Variants in KLRD1 observed in about 807,000 individuals in gnomAD.
KLRD1 encodes the protein killer cell lectin like receptor D1.
A neutral mutation model predicts 22.6 loss-of-function variants in KLRD1; 21 were observed. The observed-to-expected ratio is 0.93, with a 90% CI of 0.66 to 1.34. The LOEUF is 1.34. KLRD1 is among the 40% of genes most tolerant of loss of function. The pLI is 0.00. For missense variants in KLRD1, 183 were observed against 208.6 expected (o/e 0.88, Z 0.76); for synonymous variants, 59 against 71.1 (o/e 0.83, Z 0.85).
rs1018329773 is a variant in KLRD1 at position 10,297,536 on chromosome 12, A to T, written c.-100-10442A>T. 1.5e-4 allele frequency among the ~76,000 whole-genome samples: 23 copies of T among 152,274 alleles called. No individual in the cohort carries two copies. The East Asian group carries it at 4.4e-3, about 29-fold the overall frequency. ...ATAATTTTATATGCTTTCTTATTTTAATATATTTTATAAACTAAGTATTGC... is the reference window on the plus strand; with the variant it reads ...ATAATTTTATATGCTTTCTTATTTTTATATATTTTATAAACTAAGTATTGC... On this transcript the variant is annotated intron_variant, in intron 1 of 5. Coordinates refer to the KLRD1 transcript ENST00000544747.
chr12:10,260,785 C>G (rs1392597733), intron 1 of KLRD1, among the ~76,000 whole-genome samples: 2 of 152,010 alleles, frequency 1.3e-5, no homozygotes, highest in East Asian at 3.9e-4. Context: ...CTAAAAAATA[C>G]AAAAAAATTA....
intron 1 of KLRD1, among the ~76,000 whole-genome samples, chr12:10,258,245 G>C (rs1366942803): frequency 1.1e-4 from 6 of 55,584 alleles, no homozygotes; most frequent in African/African-American, 1.7e-4. Context: ...GTTGTGCTTA[G>C]CTCAAGCTCT....
chr12:10,316,372 T>G lies in KLRD1; in HGVS notation c.*1579T>G, dbSNP rs1262545220. ...AAAATATGTTACAACTGCTACTTCATAGTTTATGCCACTTATTTTATTTTT... is the reference window on the plus strand; with the variant it reads ...AAAATATGTTACAACTGCTACTTCAGAGTTTATGCCACTTATTTTATTTTT... On this transcript the variant is annotated 3_prime_UTR_variant, in exon 6 of 6. Transcript: ENST00000336164. The G allele has an allele frequency of 2.0e-5, 3 of 152,114 alleles. No homozygotes were observed. In the East Asian group the frequency reaches 5.8e-4, roughly 29 times the overall value. 9.4% of individuals were successfully genotyped at this position (152,114 alleles called of 1,614,324 possible). A position where few individuals can be genotyped will look rare whatever the true frequency, so the allele number is the denominator to read the frequency against.
intron 1 of KLRD1, among the ~76,000 whole-genome samples, chr12:10,246,928 C>CTTTTTTTTTTT (rs1208226436): frequency 7.7e-5 from 10 of 129,682 alleles, no homozygotes; most frequent in South Asian, 2.6e-4. Context: ...CTTTTCTTTT[C>CTTTTTTTTTTT]TTTTCTTTTT....
chr12:10,297,222 C>T (rs1949830408), intron 1 of KLRD1, among the ~76,000 whole-genome samples: 1 of 152,146 alleles, frequency 6.6e-6, no homozygotes, highest in African/African-American at 2.4e-5. Flanking sequence ...TCTTTTTGAT[C>T]ATTCTATGGA....
Position 10,313,257 on chromosome 12 carries a change from T to C in KLRD1, c.316-153T>C, listed in dbSNP as rs552630293. 39 of 443,342 alleles carry C rather than the reference T, an allele frequency of 8.8e-5. 1 individual carries two copies. In the South Asian group the frequency reaches 2.0e-3, roughly 22 times the overall value. The allele number at this position is 443,342 out of a possible 1,614,324, so 27.5% of individuals were successfully genotyped here. A position where few individuals can be genotyped will look rare whatever the true frequency, so the allele number is the denominator to read the frequency against. On this transcript the variant is annotated intron_variant, in intron 4 of 5. Coordinates refer to ENST00000336164, the MANE Select transcript of KLRD1 (RefSeq NM_002262.5). Reference sequence around the variant, plus strand: ...TGATAAATGAGAACTTTCAGTCTTGTGATTATACCTTTTAAATAGGAAGTT... The same window carrying C: ...TGATAAATGAGAACTTTCAGTCTTGCGATTATACCTTTTAAATAGGAAGTT...
chr12:10,319,454 A>G lies in KLRD1; in HGVS notation c.*4661A>G, dbSNP rs991109527. The G allele has an allele frequency of 2.0e-5, 3 of 152,242 alleles. No homozygotes were observed. The highest frequency in any genetic ancestry group is 7.2e-5 in the African/African-American group (3 of 41,464). The allele number at this position is 152,242 out of a possible 1,614,324, so 9.4% of individuals were successfully genotyped here. A position where few individuals can be genotyped will look rare whatever the true frequency, so the allele number is the denominator to read the frequency against. ...TTGGTGGAATTTCTTTCCACATTGT[A>G]TCAAGGTTGCTCTGTGTGACCAATG... On this transcript the variant is annotated 3_prime_UTR_variant, in exon 6 of 6. Transcript: ENST00000336164.
rs1458880707 is a variant in KLRD1 at position 10,329,026 on chromosome 12, C to T, written c.*14233C>T. The T allele has an allele frequency of 1.3e-5, 2 of 152,180 alleles. No homozygotes were observed. Among genetic ancestry groups the T allele is most frequent in the Non-Finnish European group, 2.9e-5 (2 of 68,028 alleles). The allele number at this position is 152,180 out of a possible 1,614,324, so 9.4% of individuals were successfully genotyped here. On this transcript the variant is annotated 3_prime_UTR_variant, in exon 6 of 6. Coordinates refer to ENST00000336164, the MANE Select transcript of KLRD1 (RefSeq NM_002262.5). ...ATCTCCCACTGGGTCCCTCCACCAA[C>T]ATGGGGGAATTATGGGAGCTACAAT... is the stretch of plus-strand genomic sequence containing the variant.
rs552541310 is a variant in KLRD1, at chr12:10,257,538, A to T, written c.-101+31305A>T. Reference sequence around the variant, plus strand: ...GTATATTTTTCAGTTCTGTTATTTAATTTTTCGTCTCTAGAATTTGTTTGA... The same window carrying T: ...GTATATTTTTCAGTTCTGTTATTTATTTTTTCGTCTCTAGAATTTGTTTGA... On this transcript the variant is annotated intron_variant, in intron 1 of 5. Transcript: ENST00000544747. Among the ~76,000 whole-genome samples, 26 of 109,784 alleles carry T rather than the reference A, an allele frequency of 2.4e-4. No individual in the cohort carries two copies. The East Asian group carries it at 5.2e-3, about 22-fold the overall frequency. The allele number at this position is 109,784 out of a possible 152,430, so 72.0% of individuals were successfully genotyped here.
At chr12:10,239,893 C>A (rs1314791164) in intron 1 of KLRD1, among the ~76,000 whole-genome samples, 2 of 151,912 alleles carry the variant, frequency 1.3e-5, no homozygotes, top group African/African-American at 2.4e-5. Flanking sequence ...CCGCCCGCCT[C>A]AGCCTTCCAA....
chr12:10,293,485 G>T (rs1949795674), intron 1 of KLRD1, among the ~76,000 whole-genome samples: 1 of 152,024 alleles, frequency 6.6e-6, no homozygotes, highest in Admixed American at 6.6e-5. Context: ...TCGCTGGCCA[G>T]TGAAGCCGTC....
chr12:10,262,267 AT>A (rs1949460923), intron 1 of KLRD1, among the ~76,000 whole-genome samples: 1 of 152,084 alleles, frequency 6.6e-6, no homozygotes, highest in Non-Finnish European at 1.5e-5. Flanking sequence ...TTCAGAACAA[AT>A]TTCCTTGATG....
chr12:10,245,281 C>G (rs916012520), intron 1 of KLRD1, among the ~76,000 whole-genome samples: 4 of 152,142 alleles, frequency 2.6e-5, no homozygotes, highest in Non-Finnish European at 5.9e-5. Context: ...TCGCTTGAAC[C>G]TGGTAAGTGG....
chr12:10,272,828 T>C (rs1389996479), intron 1 of KLRD1, among the ~76,000 whole-genome samples: 1 of 152,238 alleles, frequency 6.6e-6, no homozygotes, highest in Non-Finnish European at 1.5e-5. Context: ...CACTTTTTTA[T>C]TTCTAAAGAT....
chr12:10,248,530 T>TTTCCTTCCTTCCTTCCTTCCTTCC (rs547431896), intron 1 of KLRD1, among the ~76,000 whole-genome samples: 79 of 96,590 alleles, frequency 8.2e-4, no homozygotes, highest in East Asian at 3.7e-3. Flanking sequence ...TGTATTTTCT[T>TTTCCTTCCTTCCTTCCTTCCTTCC]TTCCTTCCTT....
rs899136302 is a variant in KLRD1 at position 10,308,235 on chromosome 12, A to G, written c.7+151A>G. The stretch of plus-strand genomic sequence containing the variant: ...TGCATTAGCACTTTCCACATTCATT[A>G]TATTTTCCTGATTCTTCATTGTATA... On this transcript the variant is annotated intron_variant, in intron 1 of 5. Transcript: ENST00000336164. 35 of 649,008 alleles carry G rather than the reference A, an allele frequency of 5.4e-5. No individual in the cohort carries two copies. The East Asian group carries it at 8.2e-4, about 15-fold the overall frequency. The allele number at this position is 649,008 out of a possible 1,614,324, so 40.2% of individuals were successfully genotyped here. A position where few individuals can be genotyped will look rare whatever the true frequency, so the allele number is the denominator to read the frequency against.
At chr12:10,278,992 T>G (rs550744203) in intron 1 of KLRD1, among the ~76,000 whole-genome samples, 83 of 151,916 alleles carry the variant, frequency 5.5e-4, no homozygotes, top group African/African-American at 1.9e-3. Flanking sequence ...CATCAGTTTT[T>G]TTTTTTTTTT....
chr12:10,300,380 A>G (rs1949856626), upstream of KLRD1, among the ~76,000 whole-genome samples: 1 of 152,208 alleles, frequency 6.6e-6, no homozygotes, highest in African/African-American at 2.4e-5. Flanking sequence ...GTACATCTCC[A>G]TTAGAGCTTT....
At chr12:10,289,906 G>T (rs529642603) in intron 1 of KLRD1, among the ~76,000 whole-genome samples, 3 of 152,266 alleles carry the variant, frequency 2.0e-5, no homozygotes, top group Admixed American at 1.3e-4. Flanking sequence ...AGCCTCCCGA[G>T]TAGCTGGGAT....
Sources: allele counts gnomAD v4.1 joint callset (sites outside exome capture counted in the v4.1 genomes callset), GRCh38; gene constraint gnomAD v4.1.1; transcripts MANE v1.5; gene names NCBI Gene and HGNC (gene_info 2026-07-23, HGNC 2026-07-21).